RAB14: variants seen among roughly 807,000 people sequenced by gnomAD.
The protein encoded by RAB14 is ras-related protein Rab-14.
A neutral mutation model predicts 31.1 loss-of-function variants in RAB14; 3 were observed. The observed-to-expected ratio is 0.10, with a 90% CI of 0.04 to 0.25. RAB14 has a LOEUF of 0.25. Ranked by LOEUF, RAB14 falls within the 10% of genes least tolerant of loss-of-function variation. RAB14 has a pLI of 1.00. For missense variants in RAB14, 111 were observed against 260.1 expected (o/e 0.43, Z 3.94); for synonymous variants, 85 against 84.9 (o/e 1.00, Z 0.00).
chr9:121,200,727 A>G (rs2053761206), intron 1 of RAB14, among the ~76,000 whole-genome samples: 2 of 152,224 alleles, frequency 1.3e-5, no homozygotes, highest in African/African-American at 4.8e-5. Flanking sequence ...CCACAGTGTG[A>G]GCCGAAGCCA....
Position 121,178,517 on chromosome 9 carries a change from C to CGACT in RAB14, c.*2878_*2879insAGTC, listed in dbSNP as rs1028759686. ...CTTCTGTTTAGGGGAATGAACTGAACCACTCATTTTTTTAAAATCACACTT... is the reference window on the plus strand; with the variant it reads ...CTTCTGTTTAGGGGAATGAACTGAACGACTCACTCATTTTTTTAAAATCACACTT... On this transcript the variant is annotated 3_prime_UTR_variant, in exon 8 of 8. Transcript: ENST00000373840. The CGACT allele has an allele frequency of 6.6e-6, 1 of 152,442 alleles. No homozygotes were observed. The highest frequency in any genetic ancestry group is 6.6e-5 in the Admixed American group (1 of 15,258). The allele number at this position is 152,442 out of a possible 1,614,324, so 9.4% of individuals were successfully genotyped here.
rs541027140 is a variant in RAB14, at chr9:121,178,824, C to T, written c.*2572G>A. 1 of 152,284 alleles carries T rather than the reference C, an allele frequency of 6.6e-6. No individual in the cohort carries two copies. The highest frequency in any genetic ancestry group is 1.5e-5 in the Non-Finnish European group (1 of 68,032). 9.4% of individuals were successfully genotyped at this position (152,284 alleles called of 1,614,324 possible). A position where few individuals can be genotyped will look rare whatever the true frequency, so the allele number is the denominator to read the frequency against. ...TAATCTGAAGGCCTCCTCACAGGTC[C>T]AAGGGCAATGAGCAACCTCAAGAGG... On this transcript the variant is annotated 3_prime_UTR_variant, in exon 8 of 8. Transcript: ENST00000373840.
chr9:121,194,794 AATAT>A (rs1370581377), intron 1 of RAB14, among the ~76,000 whole-genome samples: 1 of 152,198 alleles, frequency 6.6e-6, no homozygotes, highest in Non-Finnish European at 1.5e-5. Flanking sequence ...CCGTAGAAAG[AATAT>A]ATATTTAAAA....
At position 121,180,169 on chromosome 9, in the gene RAB14, G is replaced by A. The variant is rs1007670046; in HGVS notation, c.*1227C>T. The A allele has an allele frequency of 3.3e-5, 5 of 152,564 alleles. No individual in the cohort carries two copies. Among genetic ancestry groups the A allele is most frequent in the African/African-American group, 1.2e-4 (5 of 41,410 alleles). The allele number at this position is 152,564 out of a possible 1,614,324, so 9.5% of individuals were successfully genotyped here. On this transcript the variant is annotated 3_prime_UTR_variant, in exon 8 of 8. Coordinates refer to ENST00000373840, the MANE Select transcript of RAB14 (RefSeq NM_016322.4). ...AACAGCCCCTCACACTGTGAACACAGGGATATCTTAAGTTATTTCACTGTA... is the reference window on the plus strand; with the variant it reads ...AACAGCCCCTCACACTGTGAACACAAGGATATCTTAAGTTATTTCACTGTA...
intron 5 of RAB14, among the ~76,000 whole-genome samples, chr9:121,183,947 G>A (rs952900829): frequency 2.0e-5 from 3 of 152,132 alleles, no homozygotes; most frequent in Admixed American, 6.5e-5. Context: ...AAGATTCATG[G>A]CTTCCATCAG....
chr9:121,198,539 TAAA>T (rs1308768093), intron 1 of RAB14, among the ~76,000 whole-genome samples: 1 of 152,228 alleles, frequency 6.6e-6, no homozygotes, highest in Non-Finnish European at 1.5e-5. Context: ...AGCAACCCAT[TAAA>T]TATTCCAGGT....
At chr9:121,200,857 A>C (rs1383055062) in intron 1 of RAB14, among the ~76,000 whole-genome samples, 2 of 152,216 alleles carry the variant, frequency 1.3e-5, no homozygotes, top group East Asian at 3.8e-4. Context: ...AATAGGTACA[A>C]AAATACATAA....
Position 121,181,359 on chromosome 9 carries a change from G to A in RAB14, c.*37C>T. ...AAAGTACTGCTTCCAACAGACAGAG[G>A]TGAAAGGTCAAATGAGGGGCCACAG... On this transcript the variant is annotated 3_prime_UTR_variant, in exon 8 of 8. Transcript: ENST00000373840. 1 of 1,533,088 alleles carries A rather than the reference G, an allele frequency of 6.5e-7. No individual in the cohort carries two copies. Among genetic ancestry groups the A allele is most frequent in the Non-Finnish European group, 8.9e-7 (1 of 1,126,232 alleles). The allele number at this position is 1,533,088 out of a possible 1,614,324, so 95.0% of individuals were successfully genotyped here.
In RAB14 at chr9:121,192,162, T is replaced by C. The variant is rs1288834721; in HGVS notation, c.106+9A>G. On this transcript the variant is annotated intron_variant, in intron 3 of 7. Transcript: ENST00000373840. ...AACTATTAATGTTTACCTCATGTAT[T>C]GAACTTACATTTTTTTTCTGTAAAT... 4 of 1,562,154 alleles carry C rather than the reference T, an allele frequency of 2.6e-6. No individual in the cohort carries two copies. The East Asian group carries it at 6.8e-5, about 26-fold the overall frequency.
Position 121,186,366 on chromosome 9 carries a change from T to A in RAB14, c.351+587A>T, listed in dbSNP as rs1173873177. Reference sequence around the variant, plus strand: ...GTTCTCTCCCTGCTAGACTATAAGCTCTTTGGGACCAAGGATCCATGTTTA... The same window carrying A: ...GTTCTCTCCCTGCTAGACTATAAGCACTTTGGGACCAAGGATCCATGTTTA... On this transcript the variant is annotated intron_variant, in intron 5 of 7. Coordinates refer to ENST00000373840, the MANE Select transcript of RAB14 (RefSeq NM_016322.4). Among the ~76,000 whole-genome samples the A allele has an allele frequency of 2.0e-5, 3 of 152,182 alleles. No homozygotes were observed. In the East Asian group the frequency reaches 5.8e-4, roughly 29 times the overall value.
chr9:121,189,337 TA>T (rs1245712567), intron 4 of RAB14, among the ~76,000 whole-genome samples: 2 of 152,142 alleles, frequency 1.3e-5, no homozygotes, highest in African/African-American at 2.4e-5. Flanking sequence ...TCACCATACT[TA>T]AATTTTATTG....
intron 7 of RAB14, among the ~76,000 whole-genome samples, chr9:121,182,138 A>T (rs948425365): frequency 6.6e-6 from 1 of 152,222 alleles, no homozygotes; most frequent in Non-Finnish European, 1.5e-5. Flanking sequence ...TGTTATATGC[A>T]ATCATTAAAA....
At chr9:121,193,062 A>C (rs1163721748) in intron 2 of RAB14, among the ~76,000 whole-genome samples, 2 of 152,136 alleles carry the variant, frequency 1.3e-5, no homozygotes, top group Non-Finnish European at 1.5e-5. Flanking sequence ...GTATTTTAGG[A>C]ATGTTTCTGC....
Position 121,178,606 on chromosome 9 carries a change from A to G in RAB14, c.*2790T>C, listed in dbSNP as rs1433194626. 6.6e-6 allele frequency: 1 copy of G among 152,628 alleles called. No individual in the cohort carries two copies. Among genetic ancestry groups the G allele is most frequent in the Non-Finnish European group, 1.5e-5 (1 of 68,040 alleles). The allele number at this position is 152,628 out of a possible 1,614,324, so 9.5% of individuals were successfully genotyped here. ...TCTTACCGAATTTGAGAAGGGAGGTAATGTATGAAGCTTAACAGCTGGCTT... is the reference window on the plus strand; with the variant it reads ...TCTTACCGAATTTGAGAAGGGAGGTGATGTATGAAGCTTAACAGCTGGCTT... On this transcript the variant is annotated 3_prime_UTR_variant, in exon 8 of 8. Transcript: ENST00000373840.
chr9:121,201,040 A>ACAGGCGCACAGACC lies in RAB14; in HGVS notation c.-8+585_-8+598dup, dbSNP rs753468750. Among the ~76,000 whole-genome samples, 189 of 152,278 alleles carry ACAGGCGCACAGACC rather than the reference A, an allele frequency of 1.2e-3. 1 individual carries two copies. Among genetic ancestry groups the ACAGGCGCACAGACC allele is most frequent in the Non-Finnish European group, 2.4e-3 (162 of 68,024 alleles). ...GCACCAAAACCAGGACATCGCAAGC[A>ACAGGCGCACAGACC]CAGGCGCACAGACCCAGACCCCGGC... On this transcript the variant is annotated intron_variant, in intron 1 of 7. Coordinates refer to ENST00000373840, the MANE Select transcript of RAB14 (RefSeq NM_016322.4).
chr9:121,193,273 T>A, intron 2 of RAB14, 88 bp downstream of exon 2: 1 of 878,982 alleles, frequency 1.1e-6, no homozygotes, highest in East Asian at 2.8e-5. Flanking sequence ...CACTCAGTCC[T>A]GAAGTGGTAC....
Position 121,179,504 on chromosome 9 carries a change from T to G in RAB14, c.*1892A>C, listed in dbSNP as rs1003564864. ...CTACCTTATATCCCAATGGGTGGTTTGTTTGTTTTGTTTTTGTAAATATAC... is the reference window on the plus strand; with the variant it reads ...CTACCTTATATCCCAATGGGTGGTTGGTTTGTTTTGTTTTTGTAAATATAC... On this transcript the variant is annotated 3_prime_UTR_variant, in exon 8 of 8. Coordinates refer to ENST00000373840, the MANE Select transcript of RAB14 (RefSeq NM_016322.4). 3 of 152,114 alleles carry G rather than the reference T, an allele frequency of 2.0e-5. No homozygotes were observed. Among genetic ancestry groups the G allele is most frequent in the South Asian group, 2.1e-4 (1 of 4,826 alleles). 9.4% of individuals were successfully genotyped at this position (152,114 alleles called of 1,614,324 possible).
intron 1 of RAB14, among the ~76,000 whole-genome samples, chr9:121,197,717 G>A (rs2132029994): frequency 6.6e-6 from 1 of 152,238 alleles, no homozygotes; most frequent in East Asian, 1.9e-4. Context: ...TAATCAGTAT[G>A]TTTAAAAATC....
intron 5 of RAB14, among the ~76,000 whole-genome samples, chr9:121,184,471 G>C (rs1488520588): frequency 6.6e-6 from 1 of 152,166 alleles, no homozygotes. Flanking sequence ...ACATTTATGA[G>C]CTTATTTGAC....
Sources: gnomAD v4.1 joint callset for allele counts (sites outside exome capture counted in the v4.1 genomes callset) on GRCh38, gnomAD v4.1.1 for gene constraint, MANE v1.5 for transcripts, NCBI Gene and HGNC (gene_info 2026-07-23, HGNC 2026-07-21) for gene names.